NCOA2: variants seen among roughly 807,000 people sequenced by gnomAD.
The protein encoded by NCOA2 is nuclear receptor coactivator 2, also known as class E basic helix-loop-helix protein 75.
Under a neutral mutation model 145.1 loss-of-function variants are expected in NCOA2, and 21 were observed. The ratio of observed to expected loss-of-function variants is 0.14; its 90% CI spans 0.10 to 0.21. The LOEUF is 0.21. Among genes scored for constraint, NCOA2 ranks in the 10% least tolerant of loss-of-function variants. The pLI, the probability that NCOA2 is intolerant of heterozygous loss-of-function variation, is 1.00. For synonymous variants in NCOA2, 619 were observed against 637.5 expected (o/e 0.97, Z 0.44); for missense variants, 1,472 against 1,837.6 (o/e 0.80, Z 3.64).
rs1811475418 is a variant in NCOA2 at position 70,374,315 on chromosome 8, T to C, written c.-77+29385A>G. On this transcript the variant is annotated intron_variant, in intron 1 of 22. Transcript: ENST00000452400. ...GGTGAAATCCTGTCTCTACTAAAAA[T>C]ACATAAATTAGCCAGGCATGGTGGC... Among the ~76,000 whole-genome samples the C allele has an allele frequency of 3.3e-5, 5 of 151,542 alleles. No individual in the cohort carries two copies. In the South Asian group the frequency reaches 1.0e-3, roughly 32 times the overall value.
At chr8:70,362,257 A>G (rs1252839966) in intron 1 of NCOA2, among the ~76,000 whole-genome samples, 2 of 152,224 alleles carry the variant, frequency 1.3e-5, no homozygotes, top group African/African-American at 4.8e-5. Context: ...AATCAAAACC[A>G]TACGTCTACG....
intron 9 of NCOA2, among the ~76,000 whole-genome samples, chr8:70,161,751 G>A (rs898696742): frequency 6.6e-6 from 1 of 152,182 alleles, no homozygotes; most frequent in African/African-American, 2.4e-5. Context: ...AAGCTGCACT[G>A]CACTGCATGA....
At chr8:70,451,476 C>T in the NCOA2 span, among the ~76,000 whole-genome samples, 42 of 150,514 alleles carry the variant, frequency 2.8e-4, no homozygotes, top group South Asian at 8.6e-3. Context: ...TAACACTTAT[C>T]TCTTCTTCTA....
At chr8:70,219,769 A>G (rs1233422016) in intron 2 of NCOA2, among the ~76,000 whole-genome samples, 4 of 152,164 alleles carry the variant, frequency 2.6e-5, no homozygotes, top group Non-Finnish European at 4.4e-5. Flanking sequence ...CGAATAAATA[A>G]CAGAACCTCA....
the NCOA2 span, chr8:70,424,514 A>C: frequency 9.4e-6 from 5 of 530,508 alleles, no homozygotes; most frequent in Non-Finnish European, 7.6e-6. Context: ...TTCTGCCAAC[A>C]TGGATGTTGG....
chr8:70,144,583 A>G, intron 13 of NCOA2, 59 bp downstream of exon 13: 1 of 1,387,562 alleles, frequency 7.2e-7, no homozygotes, highest in Non-Finnish European at 1.0e-6. Context: ...TGATGTGGAT[A>G]AATATACCAT....
rs370219579 is a variant in NCOA2 at position 70,156,442 on chromosome 8, G to A, written c.1923C>T (p.Leu641=). The stretch of plus-strand genomic sequence containing the variant: ...CAGATTTGGTGGTCAGCAGCTGCAG[G>A]AGTTTGGTCTGCCCTTTGCTGTCAT... The part of the protein sequence containing the change: ...RLHDSKGQTK[L]LQLLTTKSDQ... Residue 641 remains leucine (L), a synonymous_variant, in exon 11 of 23, where the codon CTC becomes CTT. Transcript: ENST00000452400. 134 of 1,613,854 alleles carry A rather than the reference G, an allele frequency of 8.3e-5. No homozygotes were observed. The highest frequency in any genetic ancestry group is 1.1e-4 in the Non-Finnish European group (126 of 1,179,890).
intron 1 of NCOA2, among the ~76,000 whole-genome samples, chr8:70,316,860 GA>G (rs1423069934): frequency 3.9e-5 from 6 of 152,172 alleles, no homozygotes; most frequent in Non-Finnish European, 8.8e-5. Flanking sequence ...AGTGGGACCT[GA>G]AAAACACTGC....
intron 4 of NCOA2, 65 bp from the exon 5 acceptor site, chr8:70,174,924 GT>G: frequency 1.4e-6 from 2 of 1,406,264 alleles, no homozygotes; most frequent in Non-Finnish European, 2.0e-6. Flanking sequence ...ACACAGAAAT[GT>G]TTTTACTGTA....
chr8:70,221,968 T>C (rs1423728711), intron 2 of NCOA2, among the ~76,000 whole-genome samples: 1 of 151,692 alleles, frequency 6.6e-6, no homozygotes, highest in Non-Finnish European at 1.5e-5. Context: ...GTCATTACTC[T>C]TTTTTACTAG....
chr8:70,206,320 G>C, intron 4 of NCOA2, among the ~76,000 whole-genome samples: 1 of 152,034 alleles, frequency 6.6e-6, no homozygotes, highest in Non-Finnish European at 1.5e-5. Flanking sequence ...CTCTCTCACT[G>C]TCTTTCACCT....
the NCOA2 span, among the ~76,000 whole-genome samples, chr8:70,446,743 T>A: frequency 5.9e-4 from 90 of 152,166 alleles, no homozygotes; most frequent in Admixed American, 2.6e-4. Context: ...CTGAAAGAAA[T>A]GGTTCTTTCT....
At chr8:70,250,829 T>C (rs1009119753) in intron 2 of NCOA2, among the ~76,000 whole-genome samples, 11 of 152,218 alleles carry the variant, frequency 7.2e-5, no homozygotes, top group African/African-American at 2.7e-4. Context: ...ATTTGTAATA[T>C]TAATTTGTAA....
intron 1 of NCOA2, among the ~76,000 whole-genome samples, chr8:70,298,764 G>T (rs1430590145): frequency 6.6e-6 from 1 of 152,126 alleles, no homozygotes; most frequent in Admixed American, 6.5e-5. Context: ...ATGCACCCAT[G>T]CTAAAGAAAG....
At chr8:70,140,594 T>TTG (rs1563510463) in intron 14 of NCOA2, among the ~76,000 whole-genome samples, 2 of 65,770 alleles carry the variant, frequency 3.0e-5, no homozygotes, top group East Asian at 2.5e-3. Context: ...ACCACCTAAG[T>TTG]TTTTTTTTTT....
intron 2 of NCOA2, among the ~76,000 whole-genome samples, chr8:70,295,102 C>T (rs1826991388): frequency 6.6e-6 from 1 of 152,098 alleles, no homozygotes; most frequent in South Asian, 2.1e-4. Flanking sequence ...AACCCAATAA[C>T]AACTGACATC....
chr8:70,395,896 G>A (rs955795018), intron 1 of NCOA2, among the ~76,000 whole-genome samples: 5 of 152,154 alleles, frequency 3.3e-5, no homozygotes, highest in Admixed American at 6.5e-5. Flanking sequence ...TATTCTCGTC[G>A]ATGACAACAG....
In NCOA2 at chr8:70,170,339, T is replaced by C; in HGVS notation, c.404A>G (p.Asn135Ser). Residue 135 changes from asparagine to serine, a missense_variant, in exon 6 of 23, where the codon AAC becomes AGC. Asn to Ser is a conservative substitution (Grantham distance 46, BLOSUM62 1). This residue lies in a region of NCOA2 where 284 missense variants were observed against 467.8 expected (regional missense o/e 0.61). Coordinates refer to ENST00000452400, the MANE Select transcript of NCOA2 (RefSeq NM_006540.4). ...CACATTCTCTGACACAAACACAACGTTGCCTTCCAGGTTCACTACAAAGAA... is the reference window on the plus strand; with the variant it reads ...CACATTCTCTGACACAAACACAACGCTGCCTTCCAGGTTCACTACAAAGAA... ...GFFFVVNLEG[N>S]VVFVSENVTQ... 1 of 1,603,388 alleles carries C rather than the reference T, an allele frequency of 6.2e-7. No homozygotes were observed. Among genetic ancestry groups the C allele is most frequent in the Non-Finnish European group, 8.5e-7 (1 of 1,174,616 alleles).
rs1237224188 is a variant in NCOA2, at chr8:70,304,640, GT to G, written c.-76-7841del. Among the ~76,000 whole-genome samples, 3 of 150,742 alleles carry G rather than the reference GT, an allele frequency of 2.0e-5. No homozygotes were observed. The South Asian group carries it at 6.3e-4, about 32-fold the overall frequency. On this transcript the variant is annotated intron_variant, in intron 1 of 22. Coordinates refer to ENST00000452400, the MANE Select transcript of NCOA2 (RefSeq NM_006540.4). The stretch of plus-strand genomic sequence containing the variant: ...GCCACCATGCCCGGCTAATTTTTTT[GT>G]TTTTTTGTTTTGTTTTGTTTTTTTG...
Sources: gnomAD v4.1 joint callset for allele counts (sites outside exome capture counted in the v4.1 genomes callset) on GRCh38, gnomAD v4.1.1 for gene constraint, gnomAD v4.1.1 regional missense constraint, MANE v1.5 for transcripts, NCBI Gene and HGNC (gene_info 2026-07-23, HGNC 2026-07-21) for gene names.